The following PCDHA11 variants were observed in gnomAD, a reference collection of about 807,000 sequenced individuals.
PCDHA11 encodes the protein protocadherin alpha 11.
In PCDHA11, 61 loss-of-function variants were observed where a neutral mutation model predicts 70.3. That is an observed-to-expected ratio of 0.87 (90% confidence interval 0.71 to 1.07). The LOEUF (loss-of-function observed/expected upper bound fraction) is 1.07. Among genes scored for constraint, PCDHA11 ranks in the 50% least tolerant of loss-of-function variants. The pLI is 0.00. For synonymous variants in PCDHA11, 633 were observed against 555.1 expected (o/e 1.14, Z -1.97); for missense variants, 1,324 against 1,237.5 (o/e 1.07, Z -1.05).
intron 1 of PCDHA11, among the ~76,000 whole-genome samples, chr5:140,893,847 C>T (rs962788536): frequency 6.6e-6 from 1 of 152,134 alleles, no homozygotes; most frequent in African/African-American, 2.4e-5. Flanking sequence ...TGATGCCCTA[C>T]CTCTTGTATA....
chr5:140,999,019 A>C (rs782524233), intron 3 of PCDHA11, among the ~76,000 whole-genome samples: 1 of 152,208 alleles, frequency 6.6e-6, no homozygotes, highest in Non-Finnish European at 1.5e-5. Context: ...TGAACCCAAG[A>C]CTTTTGATAC....
intron 1 of PCDHA11, chr5:140,966,731 G>A: frequency 7.1e-7 from 1 of 1,405,136 alleles, no homozygotes; most frequent in Non-Finnish European, 9.2e-7. Context: ...TGCCGCCTCC[G>A]GCCCTGCCCG....
intron 1 of PCDHA11, among the ~76,000 whole-genome samples, chr5:140,891,735 A>G (rs1200695234): frequency 2.6e-5 from 4 of 152,172 alleles, no homozygotes; most frequent in African/African-American, 9.7e-5. Context: ...TGAAAATTCA[A>G]TCCCTTATAC....
chr5:140,875,949 T>C (rs1306170767), intron 1 of PCDHA11: 2 of 1,614,096 alleles, frequency 1.2e-6, no homozygotes, highest in African/African-American at 2.7e-5. Context: ...GCGCTTCTGA[T>C]GCGGATATCG....
At chr5:140,979,563 C>T (rs1480899524) in intron 2 of PCDHA11, among the ~76,000 whole-genome samples, 1 of 152,174 alleles carries the variant, frequency 6.6e-6, no homozygotes, top group African/African-American at 2.4e-5. Context: ...GAAGATGAGC[C>T]ATGTAAAGGG....
At position 140,929,511 on chromosome 5, in the gene PCDHA11, G is replaced by A. The variant is rs113234119; in HGVS notation, c.2392-49438G>A. On this transcript the variant is annotated intron_variant, in intron 1 of 3. Coordinates refer to ENST00000398640, the MANE Select transcript of PCDHA11 (RefSeq NM_018902.5). ...TTAGAAGATTGCCCTAGGCCTCAAG[G>A]GACTTATAGTTTATTTTTGAGAAAC... 1,947 of 781,082 alleles carry A rather than the reference G, an allele frequency of 2.5e-3. 24 individuals carry two copies. The African/African-American group carries it at 0.032, about 13-fold the overall frequency. 48.4% of individuals were successfully genotyped at this position (781,082 alleles called of 1,614,324 possible).
At chr5:140,969,388 A>C in intron 1 of PCDHA11, 2 of 1,595,066 alleles carry the variant, frequency 1.3e-6, no homozygotes, top group Non-Finnish European at 1.7e-6. Context: ...CACATCCCCC[A>C]ATATCCTGTG....
intron 3 of PCDHA11, among the ~76,000 whole-genome samples, chr5:141,000,361 GTCTCTC>G (rs148596731): frequency 0.13 from 3,495 of 26,124 alleles, 319 homozygotes; most frequent in Middle Eastern, 0.15. Context: ...GTCTCTCTCT[GTCTCTC>G]TCTCTCTCTC....
At chr5:140,990,893 T>C (rs1554251806) in intron 3 of PCDHA11, among the ~76,000 whole-genome samples, 1 of 152,178 alleles carries the variant, frequency 6.6e-6, no homozygotes, top group East Asian at 1.9e-4. Context: ...GAGTGGGTCG[T>C]TGCTGGGTCA....
At chr5:140,915,803 A>G (rs2077309798) in intron 1 of PCDHA11, among the ~76,000 whole-genome samples, 1 of 152,026 alleles carries the variant, frequency 6.6e-6, no homozygotes, top group Admixed American at 6.6e-5. Flanking sequence ...ACTACCACCT[A>G]TGTTCACTCA....
chr5:140,892,218 T>C (rs182162644), intron 1 of PCDHA11, among the ~76,000 whole-genome samples: 23 of 152,308 alleles, frequency 1.5e-4, no homozygotes, highest in Admixed American at 1.4e-3. Context: ...ATTGTATCTT[T>C]ATGGTGTTTT....
chr5:140,944,310 C>T (rs1036800359), intron 1 of PCDHA11, among the ~76,000 whole-genome samples: 6 of 152,132 alleles, frequency 3.9e-5, no homozygotes, highest in Non-Finnish European at 7.4e-5. Flanking sequence ...ACCTCAGCCT[C>T]CTGAGTAGCT....
chr5:140,995,073 CA>C (rs537697820), intron 3 of PCDHA11, among the ~76,000 whole-genome samples: 319 of 152,298 alleles, frequency 2.1e-3, no homozygotes, highest in African/African-American at 7.3e-3. Flanking sequence ...CAACCTACAG[CA>C]ATCCAAACTT....
chr5:140,870,461 C>T lies in PCDHA11; in HGVS notation c.1358C>T (p.Ala453Val), dbSNP rs1554164294. The T allele has an allele frequency of 6.2e-7, 1 of 1,614,246 alleles. No individual in the cohort carries two copies. The highest frequency in any genetic ancestry group is 8.5e-7 in the Non-Finnish European group (1 of 1,180,050). Reference protein sequence around the residue: ...EVADVNDNAPAFAQPEYTVFV... With the variant: ...EVADVNDNAPVFAQPEYTVFV... ...GCCGACGTGAACGACAATGCGCCTG[C>T]GTTCGCACAGCCCGAGTACACCGTG... is the stretch of plus-strand genomic sequence containing the variant. The change falls in exon 1 of 4, where the codon GCG (alanine) becomes GTG (valine). Residue 453 changes from alanine to valine, a missense_variant. Transcript: ENST00000398640.
chr5:140,899,550 A>C (rs932403675), intron 1 of PCDHA11, among the ~76,000 whole-genome samples: 1 of 152,176 alleles, frequency 6.6e-6, no homozygotes, highest in Admixed American at 6.5e-5. Flanking sequence ...ATGGTGGATA[A>C]GCTTTTTGAT....
At chr5:140,917,340 T>TGGGGG (rs2078149834) in intron 1 of PCDHA11, among the ~76,000 whole-genome samples, 2 of 133,058 alleles carry the variant, frequency 1.5e-5, no homozygotes, top group African/African-American at 2.7e-5. Flanking sequence ...AGGGGGGGGA[T>TGGGGG]GGTGTAGGCT....
chr5:140,980,635 A>AT (rs1224584187), intron 2 of PCDHA11, among the ~76,000 whole-genome samples: 1 of 152,232 alleles, frequency 6.6e-6, no homozygotes, highest in Non-Finnish European at 1.5e-5. Context: ...TCTCAGAAGA[A>AT]TAAATAAATG....
intron 1 of PCDHA11, chr5:140,883,468 C>A: frequency 6.2e-7 from 1 of 1,614,164 alleles, no homozygotes; most frequent in South Asian, 1.1e-5. Context: ...TGGTGTCCAC[C>A]TACAAGAACT....
chr5:140,978,457 C>G (rs1223652568), intron 1 of PCDHA11, among the ~76,000 whole-genome samples: 1 of 152,182 alleles, frequency 6.6e-6, no homozygotes, highest in Non-Finnish European at 1.5e-5. Context: ...GCACATCCGC[C>G]CTGGGTCAAA....
Sources: gnomAD v4.1 joint callset for allele counts (sites outside exome capture counted in the v4.1 genomes callset) on GRCh38, gnomAD v4.1.1 for gene constraint, MANE v1.5 for transcripts, NCBI Gene and HGNC (gene_info 2026-07-23, HGNC 2026-07-21) for gene names.